Variants in ABTB3 observed in about 807,000 individuals in gnomAD.
ABTB3 encodes the protein ankyrin repeat- and BTB/POZ domain-containing protein 3.
chr12:107,520,498 C>T, the ABTB3 span: 15 of 1,613,998 alleles, frequency 9.3e-6, no homozygotes, highest in East Asian at 3.3e-4. Flanking sequence ...GGTGCTGTGC[C>T]TACCAGACAG....
the ABTB3 span, among the ~76,000 whole-genome samples, chr12:107,452,202 A>ATT: frequency 0.03 from 3,261 of 110,096 alleles, 85 homozygotes; most frequent in Middle Eastern, 0.048. Context: ...GCCCATATGA[A>ATT]TTTTTTTTTT....
At chr12:107,406,733 A>T in the ABTB3 span, among the ~76,000 whole-genome samples, 1 of 152,246 alleles carries the variant, frequency 6.6e-6, no homozygotes, top group Non-Finnish European at 1.5e-5. Flanking sequence ...ACAATCTAGC[A>T]GGGAGAAGCC....
chr12:107,635,870 C>CCACACACACACA, the ABTB3 span, among the ~76,000 whole-genome samples: 5 of 115,156 alleles, frequency 4.3e-5, no homozygotes, highest in African/African-American at 1.6e-4. Flanking sequence ...CCCCACCCAC[C>CCACACACACACA]CACACACACA....
the ABTB3 span, among the ~76,000 whole-genome samples, chr12:107,407,821 C>T: frequency 1.3e-5 from 2 of 152,046 alleles, no homozygotes; most frequent in South Asian, 2.1e-4. Flanking sequence ...GGAGGTCCTG[C>T]GTATTTTCAG....
At chr12:107,639,239 G>A in the ABTB3 span, among the ~76,000 whole-genome samples, 1 of 152,204 alleles carries the variant, frequency 6.6e-6, no homozygotes, top group African/African-American at 2.4e-5. Context: ...AGTTTGACAG[G>A]GAGAAGCCAG....
chr12:107,639,121 T>C, the ABTB3 span, among the ~76,000 whole-genome samples: 2,549 of 152,248 alleles, frequency 0.017, 82 homozygotes, highest in African/African-American at 0.058. Context: ...TGGAAGGGGC[T>C]GGAAGGGTGC....
the ABTB3 span, among the ~76,000 whole-genome samples, chr12:107,412,322 TCA>T: frequency 6.6e-6 from 1 of 152,282 alleles, no homozygotes; most frequent in Non-Finnish European, 1.5e-5. Flanking sequence ...GCCCCACAGC[TCA>T]CAGCCTGAGC....
chr12:107,459,550 G>A, the ABTB3 span, among the ~76,000 whole-genome samples: 1 of 152,226 alleles, frequency 6.6e-6, no homozygotes, highest in African/African-American at 2.4e-5. Flanking sequence ...ATCAGAGATG[G>A]CCTTGAAGGG....
chr12:107,560,612 C>T, the ABTB3 span, among the ~76,000 whole-genome samples: 1 of 152,212 alleles, frequency 6.6e-6, no homozygotes, highest in Non-Finnish European at 1.5e-5. Context: ...TCTCCAGAGA[C>T]TGACTCTAAA....
the ABTB3 span, among the ~76,000 whole-genome samples, chr12:107,381,830 G>A: frequency 6.6e-6 from 1 of 152,204 alleles, no homozygotes; most frequent in South Asian, 2.1e-4. Context: ...TCCCTCAGCT[G>A]TAAAATGGGG....
the ABTB3 span, among the ~76,000 whole-genome samples, chr12:107,604,655 C>A: frequency 1.3e-5 from 2 of 152,120 alleles, no homozygotes; most frequent in Non-Finnish European, 2.9e-5. Context: ...AACCCTTGTA[C>A]ACTGCTGGTG....
the ABTB3 span, among the ~76,000 whole-genome samples, chr12:107,377,388 TGA>T: frequency 1.2e-3 from 169 of 139,482 alleles, 1 homozygote; most frequent in African/African-American, 3.1e-3. Context: ...AACACTTCCT[TGA>T]GAGAGAGAGA....
the ABTB3 span, among the ~76,000 whole-genome samples, chr12:107,417,594 T>C: frequency 1.3e-5 from 2 of 152,212 alleles, no homozygotes; most frequent in Non-Finnish European, 2.9e-5. Flanking sequence ...TGTGCTTTGG[T>C]GGTTTTAGCT....
At chr12:107,365,242 AC>A in the ABTB3 span, among the ~76,000 whole-genome samples, 1 of 152,230 alleles carries the variant, frequency 6.6e-6, no homozygotes, top group African/African-American at 2.4e-5. Flanking sequence ...AAAACGTGAT[AC>A]AAAGTTGAGT....
chr12:107,525,324 C>CCAAAAAAAAAAAAAAAAAAA, the ABTB3 span, among the ~76,000 whole-genome samples: 1 of 34,888 alleles, frequency 2.9e-5, no homozygotes, highest in African/African-American at 8.8e-5. Flanking sequence ...AAGATCCTGT[C>CCAAAAAAAAAAAAAAAAAAA]AAAAAAAAAA....
the ABTB3 span, among the ~76,000 whole-genome samples, chr12:107,653,198 C>T: frequency 4.6e-5 from 7 of 152,298 alleles, no homozygotes; most frequent in East Asian, 1.9e-4. Flanking sequence ...ACGTGAATGA[C>T]GCTCCTATTG....
the ABTB3 span, among the ~76,000 whole-genome samples, chr12:107,452,122 G>A: frequency 6.6e-6 from 1 of 151,916 alleles, no homozygotes; most frequent in African/African-American, 2.4e-5. Context: ...CTGACTATGT[G>A]CCAGACACTG....
At chr12:107,388,885 T>C in the ABTB3 span, among the ~76,000 whole-genome samples, 13 of 152,388 alleles carry the variant, frequency 8.5e-5, no homozygotes, top group Non-Finnish European at 1.9e-4. Flanking sequence ...CAGGGTTTCC[T>C]CTTCAACTCT....
chr12:107,539,913 C>T, the ABTB3 span, among the ~76,000 whole-genome samples: 1,997 of 152,194 alleles, frequency 0.013, 39 homozygotes, highest in African/African-American at 0.044. Context: ...CTGCAGCTGC[C>T]CTTATGTCTT....
Sources: allele counts gnomAD v4.1 joint callset (sites outside exome capture counted in the v4.1 genomes callset), GRCh38; gene constraint gnomAD v4.1.1; transcripts MANE v1.5; gene names NCBI Gene and HGNC (gene_info 2026-07-23, HGNC 2026-07-21).